UTP23: variants seen among roughly 807,000 people sequenced by gnomAD.
UTP23 encodes the protein UTP23 small subunit processome component.
Under a neutral mutation model 19.8 loss-of-function variants are expected in UTP23, and 10 were observed. The observed-to-expected ratio is 0.50, with a 90% CI of 0.31 to 0.86. The LOEUF is 0.86. Among genes scored for constraint, UTP23 ranks in the 40% least tolerant of loss-of-function variants. The pLI is 0.05. For missense variants in UTP23, 282 were observed against 293.1 expected, an observed-to-expected ratio of 0.96 and a Z score of 0.28; for synonymous variants, 108 against 105.4, an observed-to-expected ratio of 1.02 and a Z score of -0.15.
chr8:116,774,597 A>G lies in UTP23; in HGVS notation c.*2755A>G, dbSNP rs182971452. 7.5e-3 allele frequency: 5,036 copies of G among 675,280 alleles called. 27 individuals carry two copies. The highest frequency in any genetic ancestry group is 8.6e-3 in the Non-Finnish European group (4,702 of 548,222). The allele number at this position is 675,280 out of a possible 1,614,324, so 41.8% of individuals were successfully genotyped here. A position where few individuals can be genotyped will look rare whatever the true frequency, so the allele number is the denominator to read the frequency against. ...CATAGTCTATATATTCTATATAAGAATATATTCCAATAAGAATATATTCCA... is the reference window on the plus strand; with the variant it reads ...CATAGTCTATATATTCTATATAAGAGTATATTCCAATAAGAATATATTCCA... On this transcript the variant is annotated 3_prime_UTR_variant, in exon 3 of 3. Coordinates refer to ENST00000309822, the MANE Select transcript of UTP23 (RefSeq NM_032334.3).
In UTP23 at chr8:116,774,130, A is replaced by T. The variant is rs1020534361; in HGVS notation, c.*2288A>T. Reference sequence around the variant, plus strand: ...TTTGTTGGGGATAAAAGTGTAATACATGCACTTTTGAACTCTGAAAGTTTG... The same window carrying T: ...TTTGTTGGGGATAAAAGTGTAATACTTGCACTTTTGAACTCTGAAAGTTTG... On this transcript the variant is annotated 3_prime_UTR_variant, in exon 3 of 3. Coordinates refer to ENST00000309822, the MANE Select transcript of UTP23 (RefSeq NM_032334.3). 5 of 985,292 alleles carry T rather than the reference A, an allele frequency of 5.1e-6. No homozygotes were observed. The highest frequency in any genetic ancestry group is 1.2e-4 in the Admixed American group (2 of 16,254). 61.0% of individuals were successfully genotyped at this position (985,292 alleles called of 1,614,324 possible).
chr8:116,772,800 C>T lies in UTP23; in HGVS notation c.*958C>T, dbSNP rs1007476788. Reference sequence around the variant, plus strand: ...TTCAGTTAGGAATTGAATAATGAAACGTGTCTCTCTGAATTCCCCCGGCAA... The same window carrying T: ...TTCAGTTAGGAATTGAATAATGAAATGTGTCTCTCTGAATTCCCCCGGCAA... On this transcript the variant is annotated 3_prime_UTR_variant, in exon 3 of 3. Transcript: ENST00000309822. The T allele has an allele frequency of 3.0e-6, 3 of 985,250 alleles. No individual in the cohort carries two copies. Among genetic ancestry groups the T allele is most frequent in the South Asian group, 9.4e-5 (2 of 21,294 alleles). The allele number at this position is 985,250 out of a possible 1,614,324, so 61.0% of individuals were successfully genotyped here.
chr8:116,770,603 G>C, intron 2 of UTP23: 1 of 381,308 alleles, frequency 2.6e-6, no homozygotes, highest in Non-Finnish European at 4.7e-6. Flanking sequence ...TGATTCCTTT[G>C]TTTTGCTTTT....
At chr8:116,770,168 A>T (rs746762309) in intron 1 of UTP23, 24 bp from the exon 2 acceptor site, 64 of 1,551,448 alleles carry the variant, frequency 4.1e-5, no homozygotes, top group Non-Finnish European at 5.3e-5. Context: ...AGTGAAATGT[A>T]TCTGCTATAA....
Position 116,774,121 on chromosome 8 carries a change from G to T in UTP23, c.*2279G>T, listed in dbSNP as rs1054575280. 28 of 985,270 alleles carry T rather than the reference G, an allele frequency of 2.8e-5. No homozygotes were observed. In the Admixed American group the frequency reaches 8.0e-4, roughly 28 times the overall value. The allele number at this position is 985,270 out of a possible 1,614,324, so 61.0% of individuals were successfully genotyped here. ...GCTACTAGCTTTGTTGGGGATAAAA[G>T]TGTAATACATGCACTTTTGAACTCT... is the stretch of plus-strand genomic sequence containing the variant. On this transcript the variant is annotated 3_prime_UTR_variant, in exon 3 of 3. Transcript: ENST00000309822.
rs1295104777 is a variant in UTP23, at chr8:116,766,525, G to A, written c.-79G>A. ...GGCGCTTCATTTCCGGGTGAAACTG[G>A]CATTGAGGGTACTGGGGCGTGCGTG... On this transcript the variant is annotated 5_prime_UTR_variant, in exon 1 of 3. Transcript: ENST00000309822. 1 of 1,458,720 alleles carries A rather than the reference G, an allele frequency of 6.9e-7. No homozygotes were observed. The highest frequency in any genetic ancestry group is 1.4e-5 in the African/African-American group (1 of 69,548). The allele number at this position is 1,458,720 out of a possible 1,614,324, so 90.4% of individuals were successfully genotyped here.
intron 1 of UTP23, among the ~76,000 whole-genome samples, chr8:116,768,674 T>A (rs937926314): frequency 1.3e-5 from 2 of 152,180 alleles, no homozygotes; most frequent in African/African-American, 4.8e-5. Context: ...TTTAAAAAAA[T>A]TTATTTTTGA....
At position 116,770,258 on chromosome 8, in the gene UTP23, A is replaced by G; in HGVS notation, c.255A>G (p.Lys85=). 6.2e-7 allele frequency: 1 copy of G among 1,614,124 alleles called. No homozygotes were observed. Among genetic ancestry groups the G allele is most frequent in the Non-Finnish European group, 8.5e-7 (1 of 1,179,974 alleles). The change falls in exon 2 of 3, where the codon AAA becomes AAG. Residue 85 remains lysine (K), a synonymous_variant. Coordinates refer to ENST00000309822, the MANE Select transcript of UTP23 (RefSeq NM_032334.3). The stretch of plus-strand genomic sequence containing the variant: ...ATGGGGCAAAACTGATTGCACAAAA[A>G]TGCCAAGTTCGAAATTGTCCTCATT... ...DLYGAKLIAQ[K]CQVRNCPHFK...
rs546136321 is a variant in UTP23, at chr8:116,772,181, C to CA, written c.*349dup. Reference sequence around the variant, plus strand: ...TGGGCAACAGAGTGAGAACATGTCTCAAAAAAAAAATAAAAACAGTGAATG... The same window carrying CA: ...TGGGCAACAGAGTGAGAACATGTCTCAAAAAAAAAAATAAAAACAGTGAATG... On this transcript the variant is annotated 3_prime_UTR_variant, in exon 3 of 3. Transcript: ENST00000309822. 1.1e-3 allele frequency: 1,025 copies of CA among 915,316 alleles called. 1 individual carries two copies. The highest frequency in any genetic ancestry group is 7.3e-3 in the African/African-American group (401 of 55,116). 56.7% of individuals were successfully genotyped at this position (915,316 alleles called of 1,614,324 possible). A position where few individuals can be genotyped will look rare whatever the true frequency, so the allele number is the denominator to read the frequency against.
Position 116,772,339 on chromosome 8 carries a change from C to G in UTP23, c.*497C>G, listed in dbSNP as rs547362389. ...ATGCAAACAGTTTTAAAAAATCTTA[C>G]AGTTCTAAAAGGCTTGTGACAAAAA... On this transcript the variant is annotated 3_prime_UTR_variant, in exon 3 of 3. Coordinates refer to ENST00000309822, the MANE Select transcript of UTP23 (RefSeq NM_032334.3). 3 of 985,322 alleles carry G rather than the reference C, an allele frequency of 3.0e-6. No homozygotes were observed. Among genetic ancestry groups the G allele is most frequent in the South Asian group, 9.4e-5 (2 of 21,290 alleles). 61.0% of individuals were successfully genotyped at this position (985,322 alleles called of 1,614,324 possible). A position where few individuals can be genotyped will look rare whatever the true frequency, so the allele number is the denominator to read the frequency against.
chr8:116,766,578 G>T lies in UTP23; in HGVS notation c.-26G>T, dbSNP rs371055134. ...GCGTTTACTGATGCTTCCTGGTCCG[G>T]TGGCCTCGGTCCCGGTAAGCCAGGC... is the stretch of plus-strand genomic sequence containing the variant. On this transcript the variant is annotated 5_prime_UTR_variant, in exon 1 of 3. Transcript: ENST00000309822. The T allele has an allele frequency of 6.2e-7, 1 of 1,601,514 alleles. No homozygotes were observed. Among genetic ancestry groups the T allele is most frequent in the African/African-American group, 1.3e-5 (1 of 74,660 alleles).
At chr8:116,769,931 G>A (rs894780339) in intron 1 of UTP23, among the ~76,000 whole-genome samples, 2 of 152,090 alleles carry the variant, frequency 1.3e-5, no homozygotes, top group African/African-American at 4.8e-5. Flanking sequence ...TAACTTCATA[G>A]GGTTACTTTG....
intron 1 of UTP23, among the ~76,000 whole-genome samples, chr8:116,769,460 C>G (rs2131023505): frequency 6.6e-6 from 1 of 152,198 alleles, no homozygotes; most frequent in South Asian, 2.1e-4. Context: ...GATAGCAAGT[C>G]TTGGAGGATA....
chr8:116,770,817 GA>G (rs1815642153), intron 2 of UTP23: 1 of 154,296 alleles, frequency 6.5e-6, no homozygotes, highest in Non-Finnish European at 1.4e-5. Flanking sequence ...TAGGGTTCTT[GA>G]AGGGAAGATA....
At position 116,771,614 on chromosome 8, in the gene UTP23, T is replaced by C. The variant is rs1213116785; in HGVS notation, c.522T>C (p.Ser174=). 1 of 1,611,436 alleles carries C rather than the reference T, an allele frequency of 6.2e-7. No individual in the cohort carries two copies. Among genetic ancestry groups the C allele is most frequent in the African/African-American group, 1.3e-5 (1 of 74,774 alleles). Residue 174 remains serine (S), a synonymous_variant, in exon 3 of 3, where the codon AGT becomes AGC. Coordinates refer to ENST00000309822, the MANE Select transcript of UTP23 (RefSeq NM_032334.3). ...TTGTCTCAGTGCATGAGAAAGAAAG[T>C]ATCAAACATCTCAAAGAGGAACAGG... ...GQLVSVHEKE[S]IKHLKEEQGL...
At chr8:116,768,877 G>A (rs1463642373) in intron 1 of UTP23, among the ~76,000 whole-genome samples, 3 of 152,108 alleles carry the variant, frequency 2.0e-5, no homozygotes, top group Admixed American at 6.6e-5. Context: ...CGTTGACCAG[G>A]CTCGTCTTGA....
chr8:116,773,354 A>G lies in UTP23; in HGVS notation c.*1512A>G, dbSNP rs1815683828. 4.1e-6 allele frequency: 4 copies of G among 979,554 alleles called. No homozygotes were observed. The highest frequency in any genetic ancestry group is 4.9e-6 in the Non-Finnish European group (4 of 824,718). The allele number at this position is 979,554 out of a possible 1,614,324, so 60.7% of individuals were successfully genotyped here. ...ATATACACTGATGATACTCATTTCA[A>G]TATGCTAAAATACATTAAATTTAGG... On this transcript the variant is annotated 3_prime_UTR_variant, in exon 3 of 3. Transcript: ENST00000309822.
rs1815697225 is a variant in UTP23, at chr8:116,774,417, G to C, written c.*2575G>C. Reference sequence around the variant, plus strand: ...TGTGATTTGACAGGTTTAATTGCTAGTTTTTTATAGGTGGATAGAAATGAA... The same window carrying C: ...TGTGATTTGACAGGTTTAATTGCTACTTTTTTATAGGTGGATAGAAATGAA... On this transcript the variant is annotated 3_prime_UTR_variant, in exon 3 of 3. Transcript: ENST00000309822. 1.0e-6 allele frequency: 1 copy of C among 983,588 alleles called. No homozygotes were observed. The highest frequency in any genetic ancestry group is 1.8e-5 in the African/African-American group (1 of 57,004). 60.9% of individuals were successfully genotyped at this position (983,588 alleles called of 1,614,324 possible).
rs1315106776 is a variant in UTP23 at position 116,771,369 on chromosome 8, CTT to C, written c.364-84_364-83del. The C allele has an allele frequency of 4.4e-6, 5 of 1,145,640 alleles. No homozygotes were observed. The East Asian group carries it at 1.4e-4, about 32-fold the overall frequency. 71.0% of individuals were successfully genotyped at this position (1,145,640 alleles called of 1,614,324 possible). A position where few individuals can be genotyped will look rare whatever the true frequency, so the allele number is the denominator to read the frequency against. On this transcript the variant is annotated intron_variant, in intron 2 of 2. Transcript: ENST00000309822. Reference sequence around the variant, plus strand: ...ATTTGAAAAATAAAATCTGTGATCTCTTTTATTTTTAATACAGTTCTTGAAAA... The same window carrying C: ...ATTTGAAAAATAAAATCTGTGATCTCTTATTTTTAATACAGTTCTTGAAAA...
Sources: allele counts gnomAD v4.1 joint callset (sites outside exome capture counted in the v4.1 genomes callset), GRCh38; gene constraint gnomAD v4.1.1; transcripts MANE v1.5; gene names NCBI Gene and HGNC (gene_info 2026-07-23, HGNC 2026-07-21).